The following ARHGAP18 variants were observed in gnomAD, a reference collection of about 807,000 sequenced individuals.
ARHGAP18 encodes the protein Rho GTPase activating protein 18, also known as rho GTPase-activating protein 18.
ARHGAP18 carries 67 observed loss-of-function variants against 86.2 expected under a neutral mutation model. That is an observed-to-expected ratio of 0.78 (90% CI 0.64 to 0.95). The LOEUF (loss-of-function observed/expected upper bound fraction) is 0.95. Among genes scored for constraint, ARHGAP18 ranks in the 40% least tolerant of loss-of-function variants. The pLI is 0.00. For synonymous variants in ARHGAP18, 283 were observed against 280.4 expected (o/e 1.01, Z -0.09); for missense variants, 691 against 780.4 (o/e 0.89, Z 1.37).
At chr6:129,633,962 G>C in intron 4 of ARHGAP18, 80 bp downstream of exon 4, 1 of 1,215,844 alleles carries the variant, frequency 8.2e-7, no homozygotes, top group Non-Finnish European at 1.2e-6. Flanking sequence ...AGAATTGAAG[G>C]TAATGTTTTA....
At chr6:129,668,934 T>C (rs911974381) in intron 1 of ARHGAP18, among the ~76,000 whole-genome samples, 1 of 152,226 alleles carries the variant, frequency 6.6e-6, no homozygotes, top group Admixed American at 6.5e-5. Flanking sequence ...CTAACCTCTT[T>C]GAACACTTGT....
chr6:129,583,148 A>G (rs998682574), intron 13 of ARHGAP18, among the ~76,000 whole-genome samples: 3 of 152,194 alleles, frequency 2.0e-5, no homozygotes, highest in African/African-American at 7.2e-5. Flanking sequence ...TCAATGAAAG[A>G]CCAAGACAGA....
At chr6:129,688,124 C>T (rs1254792639) in intron 1 of ARHGAP18, among the ~76,000 whole-genome samples, 1 of 152,170 alleles carries the variant, frequency 6.6e-6, no homozygotes, top group African/African-American at 2.4e-5. Context: ...CACAAAGTGG[C>T]CTCAACCTCT....
At chr6:129,643,409 T>G (rs567221188) in intron 1 of ARHGAP18, among the ~76,000 whole-genome samples, 1 of 152,290 alleles carries the variant, frequency 6.6e-6, no homozygotes, top group South Asian at 2.1e-4. Context: ...TTTGGCTTGT[T>G]ACTTCTCCTT....
At chr6:129,680,138 C>T (rs1774300887) in intron 1 of ARHGAP18, among the ~76,000 whole-genome samples, 1 of 152,192 alleles carries the variant, frequency 6.6e-6, no homozygotes, top group Non-Finnish European at 1.5e-5. Context: ...CTGCAAAGAC[C>T]CTTTTTCCAA....
chr6:129,666,045 T>A (rs950332733), intron 1 of ARHGAP18, among the ~76,000 whole-genome samples: 22 of 151,532 alleles, frequency 1.5e-4, no homozygotes, highest in African/African-American at 5.3e-4. Context: ...TAGAAAAAAA[T>A]TAACTCTGAT....
intron 12 of ARHGAP18, among the ~76,000 whole-genome samples, chr6:129,584,447 A>G (rs1282840700): frequency 6.6e-6 from 1 of 152,248 alleles, no homozygotes; most frequent in African/African-American, 2.4e-5. Flanking sequence ...ATGAAATTGA[A>G]TCAGAAAGAA....
chr6:129,669,556 C>A (rs955844652), intron 1 of ARHGAP18, among the ~76,000 whole-genome samples: 1 of 151,446 alleles, frequency 6.6e-6, no homozygotes, highest in East Asian at 2.0e-4. Flanking sequence ...GAGGACAAGG[C>A]GGGCTGATCA....
At chr6:129,621,204 ATGAAGGAGTTG>A (rs1444847896) in intron 5 of ARHGAP18, among the ~76,000 whole-genome samples, 1 of 152,198 alleles carries the variant, frequency 6.6e-6, no homozygotes, top group Non-Finnish European at 1.5e-5. Flanking sequence ...TTTTAAGTGT[ATGAAGGAGTTG>A]TGAGATGAAA....
At chr6:129,582,627 T>G (rs1788312178) in intron 13 of ARHGAP18, among the ~76,000 whole-genome samples, 1 of 152,184 alleles carries the variant, frequency 6.6e-6, no homozygotes, top group African/African-American at 2.4e-5. Context: ...ATCTTCCAAG[T>G]GCCCTCAGGA....
intron 7 of ARHGAP18, 31 bp downstream of exon 7, chr6:129,616,181 T>TCAG: frequency 6.6e-7 from 1 of 1,515,070 alleles, no homozygotes; most frequent in Non-Finnish European, 9.0e-7. Context: ...AAGTATGTTC[T>TCAG]CTCTATGCTG....
chr6:129,616,849 G>A (rs1789109564), intron 6 of ARHGAP18, among the ~76,000 whole-genome samples: 1 of 152,120 alleles, frequency 6.6e-6, no homozygotes, highest in African/African-American at 2.4e-5. Flanking sequence ...CCAGCTACTT[G>A]GGGGGCTGAG....
chr6:129,683,541 T>G (rs1774364893), intron 1 of ARHGAP18, among the ~76,000 whole-genome samples: 1 of 152,210 alleles, frequency 6.6e-6, no homozygotes, highest in African/African-American at 2.4e-5. Context: ...TCAAATTCAT[T>G]TACGTATAAA....
intron 1 of ARHGAP18, among the ~76,000 whole-genome samples, chr6:129,665,881 C>G (rs1774026757): frequency 2.6e-5 from 4 of 152,120 alleles, no homozygotes; most frequent in Non-Finnish European, 1.5e-5. Flanking sequence ...GTACATAAAA[C>G]ACATGCAATT....
intron 13 of ARHGAP18, among the ~76,000 whole-genome samples, chr6:129,582,341 C>T (rs1245656420): frequency 6.6e-6 from 1 of 152,058 alleles, no homozygotes; most frequent in Non-Finnish European, 1.5e-5. Context: ...GCTTCATAGT[C>T]TCATATTATT....
chr6:129,587,130 A>T (rs571251564), intron 12 of ARHGAP18, among the ~76,000 whole-genome samples: 1 of 152,334 alleles, frequency 6.6e-6, no homozygotes, highest in African/African-American at 2.4e-5. Context: ...TAACATAAAC[A>T]AAGTAAAATG....
At chr6:129,588,205 C>T (rs561486571) in intron 12 of ARHGAP18, among the ~76,000 whole-genome samples, 59 of 151,818 alleles carry the variant, frequency 3.9e-4, no homozygotes, top group African/African-American at 1.4e-3. Flanking sequence ...ACAACCTCTG[C>T]CTCCTGGGTT....
At chr6:129,623,569 T>C (rs1789276823) in intron 5 of ARHGAP18, among the ~76,000 whole-genome samples, 1 of 152,130 alleles carries the variant, frequency 6.6e-6, no homozygotes, top group Non-Finnish European at 1.5e-5. Flanking sequence ...ATGTATTACA[T>C]AAAGCCTACT....
intron 5 of ARHGAP18, among the ~76,000 whole-genome samples, chr6:129,627,147 G>C (rs961225105): frequency 6.6e-6 from 1 of 152,036 alleles, no homozygotes; most frequent in Non-Finnish European, 1.5e-5. Context: ...ATAATTCCGT[G>C]AGTTAAGACT....
Sources: gnomAD v4.1 joint callset for allele counts (sites outside exome capture counted in the v4.1 genomes callset) on GRCh38, gnomAD v4.1.1 for gene constraint, MANE v1.5 for transcripts, NCBI Gene and HGNC (gene_info 2026-07-23, HGNC 2026-07-21) for gene names.